The following TECPR2 variants were observed in gnomAD, a reference collection of about 807,000 sequenced individuals.
TECPR2 encodes the protein tectonin beta-propeller repeat-containing protein 2.
TECPR2 carries 65 observed loss-of-function variants against 138.1 expected under a neutral mutation model. The ratio of observed to expected loss-of-function variants is 0.47; its 90% CI spans 0.39 to 0.58. The LOEUF is 0.58. TECPR2 is among the 20% of genes least tolerant of loss of function. The pLI is 0.00. For synonymous variants in TECPR2, 746 were observed against 749.8 expected (o/e 0.99, Z 0.08); for missense variants, 1,553 against 1,824.5 (o/e 0.85, Z 2.71).
intron 7 of TECPR2, among the ~76,000 whole-genome samples, chr14:102,429,362 G>A (rs117706929): frequency 0.016 from 2,454 of 152,274 alleles, 28 homozygotes; most frequent in Admixed American, 0.027. Context: ...AAAAGACATA[G>A]ATTTGCATAG....
chr14:102,458,017 G>T (rs543298935), intron 16 of TECPR2, among the ~76,000 whole-genome samples: 1 of 152,002 alleles, frequency 6.6e-6, no homozygotes, highest in East Asian at 1.9e-4. Flanking sequence ...GGGATTACAG[G>T]CCTGTGCCAC....
intron 4 of TECPR2, among the ~76,000 whole-genome samples, chr14:102,411,967 G>T (rs553691785): frequency 5.3e-5 from 8 of 152,064 alleles, no homozygotes; most frequent in African/African-American, 1.9e-4. Context: ...TTCTTTAAAG[G>T]TTAGTAAAAA....
intron 3 of TECPR2, 39 bp from the exon 4 acceptor site, chr14:102,408,449 T>A: frequency 2.6e-6 from 4 of 1,544,768 alleles, no homozygotes; most frequent in South Asian, 1.2e-5. Context: ...GCATTTATCC[T>A]TTTTTTTTCT....
chr14:102,499,589 A>T lies in TECPR2; in HGVS notation c.*1332A>T, dbSNP rs1891389959. 1 of 284,048 alleles carries T rather than the reference A, an allele frequency of 3.5e-6. No individual in the cohort carries two copies. Among genetic ancestry groups the T allele is most frequent in the East Asian group, 8.4e-5 (1 of 11,866 alleles). The allele number at this position is 284,048 out of a possible 1,614,324, so 17.6% of individuals were successfully genotyped here. A position where few individuals can be genotyped will look rare whatever the true frequency, so the allele number is the denominator to read the frequency against. On this transcript the variant is annotated 3_prime_UTR_variant, in exon 20 of 20. Coordinates refer to ENST00000359520, the MANE Select transcript of TECPR2 (RefSeq NM_014844.5). ...TATGGGTTGACACTTGACAGGTTGA[A>T]ACCAGTGCCTCTATGGACGGCTGCT... is the stretch of plus-strand genomic sequence containing the variant.
intron 17 of TECPR2, among the ~76,000 whole-genome samples, chr14:102,480,846 T>G (rs1333532451): frequency 8.3e-6 from 1 of 119,948 alleles, no homozygotes; most frequent in East Asian, 2.4e-4. Flanking sequence ...TTTGGGTTTT[T>G]TTTTTTTTTT....
intron 17 of TECPR2, among the ~76,000 whole-genome samples, chr14:102,479,021 AAAAAAAAAAAAAGG>A (rs1200976658): frequency 2.1e-5 from 3 of 145,972 alleles, no homozygotes; most frequent in Non-Finnish European, 4.4e-5. Flanking sequence ...TGTCTCAAAA[AAAAAAAAAAAAAGG>A]AAAAAAAAAA....
At chr14:102,487,855 T>TTG (rs1891068359) in intron 17 of TECPR2, among the ~76,000 whole-genome samples, 1 of 144,672 alleles carries the variant, frequency 6.9e-6, no homozygotes, top group African/African-American at 2.6e-5. Context: ...TGTTTTTTTT[T>TTG]TTTGATACGG....
intron 1 of TECPR2, among the ~76,000 whole-genome samples, chr14:102,363,480 G>A (rs1665120650): frequency 6.6e-6 from 1 of 151,836 alleles, no homozygotes. Flanking sequence ...CCTTAAGATT[G>A]ACGTCGTGTT....
intron 17 of TECPR2, among the ~76,000 whole-genome samples, chr14:102,469,169 G>A (rs532725113): frequency 1.1e-4 from 17 of 152,026 alleles, no homozygotes; most frequent in African/African-American, 2.4e-4. Flanking sequence ...GAATTGTGTC[G>A]AATCAGTAGA....
intron 17 of TECPR2, among the ~76,000 whole-genome samples, chr14:102,479,702 G>A (rs534555074): frequency 3.3e-5 from 5 of 152,322 alleles, no homozygotes; most frequent in African/African-American, 1.2e-4. Flanking sequence ...GTCCCAGCCT[G>A]GGTCTGTAAT....
At chr14:102,432,206 GT>G in intron 8 of TECPR2, 78 bp downstream of exon 8, 1 of 1,354,930 alleles carries the variant, frequency 7.4e-7, no homozygotes, top group East Asian at 2.5e-5. Flanking sequence ...TGCTCACTGA[GT>G]GAGCAATGCT....
At position 102,363,068 on chromosome 14, in the gene TECPR2, C is replaced by T. The variant is rs1887222307; in HGVS notation, c.-121C>T. The T allele has an allele frequency of 9.6e-6, 5 of 519,988 alleles. No individual in the cohort carries two copies. The highest frequency in any genetic ancestry group is 1.6e-5 in the Non-Finnish European group (5 of 305,332). The allele number at this position is 519,988 out of a possible 1,614,324, so 32.2% of individuals were successfully genotyped here. ...CCCCGCGGCCCGGAGTCCATCCCGCCTCCTCCGGCCCGGCGGGGCCGACGA... is the reference window on the plus strand; with the variant it reads ...CCCCGCGGCCCGGAGTCCATCCCGCTTCCTCCGGCCCGGCGGGGCCGACGA... On this transcript the variant is annotated 5_prime_UTR_variant, in exon 1 of 20. Transcript: ENST00000359520.
chr14:102,396,544 G>C (rs1315135983), intron 2 of TECPR2, among the ~76,000 whole-genome samples: 2 of 152,108 alleles, frequency 1.3e-5, no homozygotes, highest in African/African-American at 4.8e-5. Flanking sequence ...GAGAGTATTT[G>C]GGGAAAATGG....
rs2273908 is a variant in TECPR2, at chr14:102,445,651, C to G, written c.2934-155C>G. On this transcript the variant is annotated intron_variant, in intron 12 of 19. Coordinates refer to ENST00000359520, the MANE Select transcript of TECPR2 (RefSeq NM_014844.5). ...CTCTTGCACAGTAATTTAACTCAGA[C>G]CCAAACTTCCTTCCCTGGCACCTGC... is the stretch of plus-strand genomic sequence containing the variant. Among the ~76,000 whole-genome samples, 4,141 of 152,184 alleles carry G rather than the reference C, an allele frequency of 0.027. 75 individuals are homozygous for G. Among genetic ancestry groups the G allele is most frequent in the Middle Eastern group, 0.088 (26 of 294 alleles).
In TECPR2 at chr14:102,435,185, G is replaced by T; in HGVS notation, c.2368G>T (p.Asp790Tyr). The T allele has an allele frequency of 6.2e-7, 1 of 1,611,630 alleles. No individual in the cohort carries two copies. The highest frequency in any genetic ancestry group is 8.5e-7 in the Non-Finnish European group (1 of 1,179,318). The change falls in exon 9 of 20, where the codon GAC becomes TAC. Residue 790 changes from aspartate (D) to tyrosine (Y), a missense_variant. Coordinates refer to ENST00000359520, the MANE Select transcript of TECPR2 (RefSeq NM_014844.5). ...QQDLSRLGAE[D>Y]AGLLKPDQFA... ...GGACCTGAGCCGGCTGGGTGCAGAGGACGCCGGGCTGCTCAAGCCAGATCA... is the reference window on the plus strand; with the variant it reads ...GGACCTGAGCCGGCTGGGTGCAGAGTACGCCGGGCTGCTCAAGCCAGATCA...
At chr14:102,364,210 G>A (rs1422687471) in intron 1 of TECPR2, among the ~76,000 whole-genome samples, 1 of 152,186 alleles carries the variant, frequency 6.6e-6, no homozygotes, top group Non-Finnish European at 1.5e-5. Context: ...GTAGAATCTG[G>A]GAATGAAGCC....
chr14:102,477,531 A>G (rs1053054205), intron 17 of TECPR2, among the ~76,000 whole-genome samples: 1 of 148,604 alleles, frequency 6.7e-6, no homozygotes, highest in Non-Finnish European at 1.5e-5. Context: ...ATTGTATGTC[A>G]GCATACCCCT....
intron 17 of TECPR2, among the ~76,000 whole-genome samples, chr14:102,494,895 C>T (rs1476512203): frequency 1.3e-5 from 2 of 151,526 alleles, no homozygotes; most frequent in Admixed American, 1.3e-4. Context: ...GTCACTCCAG[C>T]GGCACCCTGA....
rs1464333987 is a variant in TECPR2 at position 102,501,199 on chromosome 14, T to C, written c.*2942T>C. ...CTTAAGGAGCGGCGGGGGCGGGGCA[T>C]GGGGGGTGTCACAACTAATGTGGCC... On this transcript the variant is annotated 3_prime_UTR_variant, in exon 20 of 20. Coordinates refer to ENST00000359520, the MANE Select transcript of TECPR2 (RefSeq NM_014844.5). The C allele has an allele frequency of 1.3e-5, 2 of 151,720 alleles. No individual in the cohort carries two copies. Among genetic ancestry groups the C allele is most frequent in the East Asian group, 1.9e-4 (1 of 5,184 alleles). 9.4% of individuals were successfully genotyped at this position (151,720 alleles called of 1,614,324 possible). A position where few individuals can be genotyped will look rare whatever the true frequency, so the allele number is the denominator to read the frequency against.
Sources: gnomAD v4.1 joint callset for allele counts (sites outside exome capture counted in the v4.1 genomes callset) on GRCh38, gnomAD v4.1.1 for gene constraint, MANE v1.5 for transcripts, NCBI Gene and HGNC (gene_info 2026-07-23, HGNC 2026-07-21) for gene names.